PADI1: variants seen among roughly 807,000 people sequenced by gnomAD.
PADI1 encodes peptidyl arginine deiminase 1, also known as protein-arginine deiminase type-1.
A neutral mutation model predicts 74.8 loss-of-function variants in PADI1; 65 were observed. That is an observed-to-expected ratio of 0.87 (90% confidence interval 0.71 to 1.07). PADI1 has a LOEUF of 1.07. Among genes scored for constraint, PADI1 ranks in the 50% least tolerant of loss-of-function variants. The probability of loss-of-function intolerance (pLI) is 0.00; values close to 1 mark genes in which losing one functional copy is unlikely to be tolerated. For missense variants in PADI1, 943 were observed against 854.0 expected, an observed-to-expected ratio of 1.10 and a Z score of -1.30; for synonymous variants, 371 against 336.2, an observed-to-expected ratio of 1.10 and a Z score of -1.13.
At chr1:17,240,256 C>T (rs1307100333) in intron 14 of PADI1, 1 of 240,542 alleles carries the variant, frequency 4.2e-6, no homozygotes, top group African/African-American at 2.2e-5. Context: ...AGAGTCGGTG[C>T]TCAGTTAATG....
chr1:17,235,325 G>A (rs1011320454), intron 11 of PADI1, among the ~76,000 whole-genome samples: 2 of 119,008 alleles, frequency 1.7e-5, no homozygotes, highest in South Asian at 2.7e-4. Context: ...GTAGTGTGGA[G>A]TGGACCATGT....
intron 10 of PADI1, 130 bp downstream of exon 10, chr1:17,230,809 T>C (rs1569823058): frequency 3.2e-6 from 2 of 626,904 alleles, no homozygotes; most frequent in Non-Finnish European, 5.6e-6. Flanking sequence ...ATACAGGAGG[T>C]GGGATGTCAG....
At chr1:17,222,609 A>G in intron 2 of PADI1, 139 bp downstream of exon 2, 1 of 667,472 alleles carries the variant, frequency 1.5e-6, no homozygotes, top group Non-Finnish European at 2.6e-6. Context: ...CATACACAAA[A>G]CGTATCCTGA....
chr1:17,224,072 G>C (rs1179739848), intron 3 of PADI1, among the ~76,000 whole-genome samples: 2 of 152,236 alleles, frequency 1.3e-5, no homozygotes, highest in Non-Finnish European at 2.9e-5. Flanking sequence ...CATGTCCCCA[G>C]TTCTCAGAGT....
In PADI1 at chr1:17,244,637, T is replaced by G. The variant is rs1294084921; in HGVS notation, c.*394T>G. ...TTGCATCTGCACCTGGAACGGGGCC[T>G]GGGGGACCTGGGGTCTGGTGTGCCA... is the stretch of plus-strand genomic sequence containing the variant. On this transcript the variant is annotated 3_prime_UTR_variant, in exon 16 of 16. Transcript: ENST00000375471. 4 of 360,954 alleles carry G rather than the reference T, an allele frequency of 1.1e-5. No homozygotes were observed. Among genetic ancestry groups the G allele is most frequent in the Non-Finnish European group, 2.2e-5 (4 of 182,652 alleles). 22.4% of individuals were successfully genotyped at this position (360,954 alleles called of 1,614,324 possible). A position where few individuals can be genotyped will look rare whatever the true frequency, so the allele number is the denominator to read the frequency against.
chr1:17,232,449 C>T (rs2072514192), intron 10 of PADI1, among the ~76,000 whole-genome samples: 1 of 152,190 alleles, frequency 6.6e-6, no homozygotes, highest in South Asian at 2.1e-4. Flanking sequence ...AGCAGTGCTG[C>T]CTCGTCAACA....
chr1:17,221,930 C>T (rs774260656), intron 1 of PADI1, among the ~76,000 whole-genome samples: 1 of 152,208 alleles, frequency 6.6e-6, no homozygotes, highest in African/African-American at 2.4e-5. Flanking sequence ...GGTGGGACCA[C>T]GGACCCATGA....
At chr1:17,218,526 T>A (rs1354792037) in intron 1 of PADI1, among the ~76,000 whole-genome samples, 1 of 151,878 alleles carries the variant, frequency 6.6e-6, no homozygotes, top group Non-Finnish European at 1.5e-5. Flanking sequence ...CAAAGACAGG[T>A]GATCATCTGG....
intron 6 of PADI1, 40 bp from the exon 7 acceptor site, chr1:17,228,585 C>T (rs1261726465): frequency 1.2e-6 from 2 of 1,607,878 alleles, no homozygotes; most frequent in Non-Finnish European, 1.7e-6. Context: ...AGCCCCTCAC[C>T]CCTGTCTCCT....
chr1:17,242,424 T>C (rs2072796143), intron 15 of PADI1, among the ~76,000 whole-genome samples: 1 of 152,248 alleles, frequency 6.6e-6, no homozygotes, highest in Non-Finnish European at 1.5e-5. Context: ...AATTTTAATT[T>C]AAACAACTGC....
At chr1:17,242,444 G>A (rs1038023999) in intron 15 of PADI1, among the ~76,000 whole-genome samples, 1 of 152,224 alleles carries the variant, frequency 6.6e-6, no homozygotes, top group African/African-American at 2.4e-5. Flanking sequence ...CATGTGGCCA[G>A]TGGCTACTGT....
rs2072300855 is a variant in PADI1 at position 17,226,068 on chromosome 1, A to G, written c.562A>G (p.Asn188Asp). Residue 188 changes from asparagine (N) to aspartate (D), a missense_variant, in exon 6 of 16, where the codon AAT becomes GAT. Transcript: ENST00000375471. ...QDMSPMLLSC[N>D]GPDKLFDSHK... ...CATGTCCCCAATGCTGCTGAGCTGC[A>G]ATGGCCCCGACAAGCTCTTCGACAG... 6.2e-7 allele frequency: 1 copy of G among 1,614,028 alleles called. No homozygotes were observed. The highest frequency in any genetic ancestry group is 1.3e-5 in the African/African-American group (1 of 74,900).
intron 1 of PADI1, among the ~76,000 whole-genome samples, chr1:17,215,303 T>A (rs1275811150): frequency 6.6e-6 from 1 of 152,096 alleles, no homozygotes; most frequent in Non-Finnish European, 1.5e-5. Context: ...AGATCTAGAC[T>A]ACAGGAAGCT....
chr1:17,231,469 G>C (rs79032907), intron 10 of PADI1, among the ~76,000 whole-genome samples: 104 of 152,300 alleles, frequency 6.8e-4, no homozygotes, highest in African/African-American at 2.3e-3. Context: ...TGATGGTCCA[G>C]GTAGGAGCTG....
intron 2 of PADI1, among the ~76,000 whole-genome samples, chr1:17,222,692 C>T (rs190608826): frequency 6.6e-6 from 1 of 152,294 alleles, no homozygotes; most frequent in African/African-American, 2.4e-5. Context: ...CACGTGAGTA[C>T]TCCCACAAAA....
chr1:17,222,851 C>G (rs759797901), intron 2 of PADI1, among the ~76,000 whole-genome samples: 1 of 152,230 alleles, frequency 6.6e-6, no homozygotes, highest in Non-Finnish European at 1.5e-5. Flanking sequence ...CACACACACA[C>G]GTCCACATCT....
chr1:17,240,575 G>C, intron 14 of PADI1, 60 bp from the exon 15 acceptor site: 2 of 1,590,064 alleles, frequency 1.3e-6, no homozygotes, highest in Middle Eastern at 1.7e-4. Flanking sequence ...CGCACAGTAG[G>C]TGCTTGGCCA....
chr1:17,224,618 A>G (rs2072258830), intron 4 of PADI1, among the ~76,000 whole-genome samples, 190 bp downstream of exon 4: 1 of 152,166 alleles, frequency 6.6e-6, no homozygotes, highest in Non-Finnish European at 1.5e-5. Flanking sequence ...TGTAACCGAC[A>G]TGCTGTGTGA....
intron 1 of PADI1, among the ~76,000 whole-genome samples, chr1:17,205,576 C>G (rs1271576758): frequency 6.6e-6 from 1 of 152,100 alleles, no homozygotes; most frequent in Non-Finnish European, 1.5e-5. Flanking sequence ...TAACTCTGAG[C>G]CCTGGGGTCA....
Sources: allele counts gnomAD v4.1 joint callset (sites outside exome capture counted in the v4.1 genomes callset), GRCh38; gene constraint gnomAD v4.1.1; transcripts MANE v1.5; gene names NCBI Gene and HGNC (gene_info 2026-07-23, HGNC 2026-07-21).